The following CACNB2 variants were observed in gnomAD, a reference collection of about 807,000 sequenced individuals.
The protein encoded by CACNB2 is calcium voltage-gated channel auxiliary subunit beta 2.
In CACNB2, 42 loss-of-function variants were observed where a neutral mutation model predicts 73.3. The ratio of observed to expected loss-of-function variants is 0.57; its 90% CI spans 0.45 to 0.74. The LOEUF is 0.74. Ranked by LOEUF, CACNB2 falls within the 30% of genes least tolerant of loss-of-function variation. The pLI is 0.00. For synonymous variants in CACNB2, 348 were observed against 310.3 expected (o/e 1.12, Z -1.28); for missense variants, 940 against 853.0 (o/e 1.10, Z -1.27).
Position 18,542,438 on chromosome 10 carries a change from C to T in CACNB2, c.*2714C>T, listed in dbSNP as rs1054582004. 1.3e-5 allele frequency: 2 copies of T among 152,228 alleles called. No homozygotes were observed. Among genetic ancestry groups the T allele is most frequent in the African/African-American group, 4.8e-5 (2 of 41,542 alleles). 9.4% of individuals were successfully genotyped at this position (152,228 alleles called of 1,614,324 possible). On this transcript the variant is annotated 3_prime_UTR_variant, in exon 14 of 14. Coordinates refer to ENST00000324631, the MANE Select transcript of CACNB2 (RefSeq NM_201596.3). ...AGAGATTCACAATTATTAGTTCAAT[C>T]CTTTATTATTTCATCCCAATTAATG...
chr10:18,295,150 TA>T (rs1301843738), intron 2 of CACNB2, among the ~76,000 whole-genome samples: 5 of 152,206 alleles, frequency 3.3e-5, no homozygotes, highest in African/African-American at 1.2e-4. Context: ...AAGATAGTAT[TA>T]AAAGGGGGGA....
chr10:18,430,787 A>G (rs1019443941), intron 3 of CACNB2, among the ~76,000 whole-genome samples: 10 of 152,204 alleles, frequency 6.6e-5, no homozygotes, highest in African/African-American at 2.4e-4. Flanking sequence ...CTAACATGCA[A>G]ATGTGTTGAG....
intron 2 of CACNB2, among the ~76,000 whole-genome samples, chr10:18,276,508 A>G (rs955491688): frequency 1.3e-5 from 2 of 152,218 alleles, no homozygotes; most frequent in Admixed American, 6.5e-5. Context: ...TATGAGAATT[A>G]AAGTCATAGA....
chr10:18,256,129 G>A (rs962653596), intron 2 of CACNB2, among the ~76,000 whole-genome samples: 1 of 151,838 alleles, frequency 6.6e-6, no homozygotes, highest in African/African-American at 2.4e-5. Flanking sequence ...GTTGATTTTT[G>A]TCATTGAGCC....
At chr10:18,304,982 A>T (rs1236303129) in intron 2 of CACNB2, among the ~76,000 whole-genome samples, 2 of 152,252 alleles carry the variant, frequency 1.3e-5, no homozygotes, top group Non-Finnish European at 2.9e-5. Context: ...GAGAAATAGA[A>T]GTTTAGGACT....
rs531208705 is a variant in CACNB2 at position 18,373,670 on chromosome 10, C to T, written c.214-28254C>T. Among the ~76,000 whole-genome samples the T allele has an allele frequency of 5.3e-5, 8 of 152,328 alleles. No individual in the cohort carries two copies. The South Asian group carries it at 1.7e-3, about 32-fold the overall frequency. On this transcript the variant is annotated intron_variant, in intron 2 of 13. Transcript: ENST00000324631. ...ACCCTCACAATTTCTCATTTGTTCT[C>T]TCAAGCCTTTGAGGTTAGCCTAGAT...
intron 2 of CACNB2, among the ~76,000 whole-genome samples, chr10:18,231,724 C>A (rs11013101): frequency 0.047 from 7,143 of 152,224 alleles, 593 homozygotes; most frequent in African/African-American, 0.16. Context: ...GTAAAGCATG[C>A]TGAAGACTTA....
intron 3 of CACNB2, among the ~76,000 whole-genome samples, chr10:18,418,888 C>A (rs1221070918): frequency 6.6e-6 from 1 of 152,200 alleles, no homozygotes; most frequent in Non-Finnish European, 1.5e-5. Flanking sequence ...TTGGCTTTCT[C>A]GTTTCATTCC....
chr10:18,344,851 C>T (rs2041382692), intron 2 of CACNB2, among the ~76,000 whole-genome samples: 1 of 152,162 alleles, frequency 6.6e-6, no homozygotes, highest in African/African-American at 2.4e-5. Context: ...GCTCACCATG[C>T]TGTGGTCAGA....
At chr10:18,492,110 C>T (rs1428797014) in intron 3 of CACNB2, among the ~76,000 whole-genome samples, 3 of 151,842 alleles carry the variant, frequency 2.0e-5, no homozygotes, top group Non-Finnish European at 2.9e-5. Context: ...GGCACTGGTG[C>T]AAGAGAGAGG....
In CACNB2 at chr10:18,299,067, T is replaced by TAA. The variant is rs71402154; in HGVS notation, c.214-102845_214-102844dup. On this transcript the variant is annotated intron_variant, in intron 2 of 13. Coordinates refer to ENST00000324631, the MANE Select transcript of CACNB2 (RefSeq NM_201596.3). ...ATGTACCCTAAAACTTAAAGTATAC[T>TAA]AAAAAAAAAAAAATAAAAAATAAAA... is the stretch of plus-strand genomic sequence containing the variant. Among the ~76,000 whole-genome samples, 189 of 120,962 alleles carry TAA rather than the reference T, an allele frequency of 1.6e-3. 1 individual carries two copies. Among genetic ancestry groups the TAA allele is most frequent in the African/African-American group, 5.1e-3 (153 of 30,146 alleles). 79.4% of individuals were successfully genotyped at this position (120,962 alleles called of 152,430 possible). A position where few individuals can be genotyped will look rare whatever the true frequency, so the allele number is the denominator to read the frequency against.
intron 2 of CACNB2, among the ~76,000 whole-genome samples, chr10:18,284,803 A>C (rs577768899): frequency 5.8e-4 from 89 of 152,278 alleles, no homozygotes; most frequent in Non-Finnish European, 1.0e-3. Context: ...TATAAAAACA[A>C]AAAAATATAT....
At chr10:18,428,457 C>A (rs1193333600) in intron 3 of CACNB2, among the ~76,000 whole-genome samples, 1 of 152,096 alleles carries the variant, frequency 6.6e-6, no homozygotes, top group African/African-American at 2.4e-5. Flanking sequence ...GAGGCCAAGG[C>A]GGGCAGATCA....
intron 2 of CACNB2, among the ~76,000 whole-genome samples, chr10:18,357,109 T>C (rs1047596824): frequency 2.0e-5 from 3 of 150,578 alleles, no homozygotes; most frequent in Non-Finnish European, 4.4e-5. Flanking sequence ...CATGCCCGGC[T>C]AATTTTTGTA....
Position 18,533,941 on chromosome 10 carries a change from A to G in CACNB2, c.1055-135A>G, listed in dbSNP as rs12242574. 4.2e-3 allele frequency: 3,192 copies of G among 768,476 alleles called. 68 individuals are homozygous for G. In the African/African-American group the frequency reaches 0.046, roughly 11 times the overall value. The allele number at this position is 768,476 out of a possible 1,614,324, so 47.6% of individuals were successfully genotyped here. A position where few individuals can be genotyped will look rare whatever the true frequency, so the allele number is the denominator to read the frequency against. On this transcript the variant is annotated intron_variant, in intron 10 of 13. Transcript: ENST00000324631. The stretch of plus-strand genomic sequence containing the variant: ...CCAAAAGGATAAATTACTGTTGTAA[A>G]TTTTTATCAATTCTATTGCCTGTAA...
At chr10:18,470,894 G>T (rs1168993437) in intron 3 of CACNB2, among the ~76,000 whole-genome samples, 1 of 152,134 alleles carries the variant, frequency 6.6e-6, no homozygotes, top group African/African-American at 2.4e-5. Context: ...AAGGGGAAAG[G>T]GTATGAATGT....
chr10:18,499,123 G>T (rs947000968), intron 4 of CACNB2, among the ~76,000 whole-genome samples: 1 of 152,130 alleles, frequency 6.6e-6, no homozygotes, highest in Admixed American at 6.6e-5. Context: ...CTGCCTTGTG[G>T]AGCACTGTGT....
At chr10:18,381,900 G>T (rs1202731554) in intron 2 of CACNB2, among the ~76,000 whole-genome samples, 1 of 151,950 alleles carries the variant, frequency 6.6e-6, no homozygotes, top group Non-Finnish European at 1.5e-5. Context: ...GGCCATAGCA[G>T]GTAGGGTCCA....
intron 3 of CACNB2, among the ~76,000 whole-genome samples, chr10:18,492,211 C>G (rs761912429): frequency 6.6e-6 from 1 of 152,142 alleles, no homozygotes; most frequent in Non-Finnish European, 1.5e-5. Context: ...CCCCTATGAT[C>G]CAATCACCTC....
Sources: allele counts gnomAD v4.1 joint callset (sites outside exome capture counted in the v4.1 genomes callset), GRCh38; gene constraint gnomAD v4.1.1; transcripts MANE v1.5; gene names NCBI Gene and HGNC (gene_info 2026-07-23, HGNC 2026-07-21).